Variants in PUM2 observed in about 807,000 individuals in gnomAD.
PUM2 encodes the protein pumilio RNA binding family member 2, also known as pumilio homolog 2.
In PUM2, 57 loss-of-function variants were observed where a neutral mutation model predicts 124.5. The observed-to-expected ratio is 0.46, with a 90% CI of 0.37 to 0.57. The LOEUF (loss-of-function observed/expected upper bound fraction) is 0.57. Ranked by LOEUF, PUM2 falls within the 20% of genes least tolerant of loss-of-function variation. The probability of loss-of-function intolerance (pLI) is 0.00; values close to 1 mark genes in which losing one functional copy is unlikely to be tolerated. For missense variants in PUM2, 1,065 were observed against 1,290.6 expected (o/e 0.83, Z 2.68); for synonymous variants, 460 against 446.1 (o/e 1.03, Z -0.39).
chr2:20,271,665 T>C lies in PUM2; in HGVS notation c.1957+6918A>G, dbSNP rs749148440. The stretch of plus-strand genomic sequence containing the variant: ...ATATTTAAAAGACCCTTAAAGTAAA[T>C]AGCATTTAATTTGGATTAAAGATCA... On this transcript the variant is annotated intron_variant, in intron 13 of 20. Coordinates refer to ENST00000361078, the MANE Select transcript of PUM2 (RefSeq NM_015317.5). 5.9e-5 allele frequency among the ~76,000 whole-genome samples: 9 copies of C among 152,048 alleles called. No individual in the cohort carries two copies. The East Asian group carries it at 7.7e-4, about 13-fold the overall frequency.
At chr2:20,350,892 G>C (rs1365376602), upstream of PUM2, 3 of 632,730 alleles carry the variant, frequency 4.7e-6, no homozygotes, top group South Asian at 7.0e-5. Flanking sequence ...AGAAAGGGGA[G>C]GGGGAGCGCT....
In PUM2 at chr2:20,318,299, C is replaced by T. The variant is rs561797223; in HGVS notation, c.160+238G>A. 1.6e-3 allele frequency among the ~76,000 whole-genome samples: 248 copies of T among 152,226 alleles called. 2 individuals carry two copies. The highest frequency in any genetic ancestry group is 5.8e-3 in the African/African-American group (243 of 41,542). On this transcript the variant is annotated intron_variant, in intron 3 of 20. Transcript: ENST00000361078. ...CTTCTAAAATTACATTTCTTAGCTGCCATTAAGAAAATGTGCATAGGGCTG... is the reference window on the plus strand; with the variant it reads ...CTTCTAAAATTACATTTCTTAGCTGTCATTAAGAAAATGTGCATAGGGCTG...
intron 1 of PUM2, among the ~76,000 whole-genome samples, chr2:20,334,990 G>A (rs563708219): frequency 1.8e-4 from 28 of 152,030 alleles, no homozygotes; most frequent in South Asian, 8.3e-4. Flanking sequence ...CTCTATCACC[G>A]AAGCTAGAGT....
At chr2:20,285,325 A>G (rs1672479280) in intron 10 of PUM2, among the ~76,000 whole-genome samples, 2 of 152,196 alleles carry the variant, frequency 1.3e-5, no homozygotes, top group Admixed American at 6.5e-5. Context: ...CATTCTCCAC[A>G]GAGACTGTGG....
Position 20,253,961 on chromosome 2 carries a change from A to G in PUM2, c.2924T>C (p.Leu975Pro). 6.2e-7 allele frequency: 1 copy of G among 1,614,162 alleles called. No individual in the cohort carries two copies. The highest frequency in any genetic ancestry group is 8.5e-7 in the Non-Finnish European group (1 of 1,180,002). ...ATTCTGGCAGCAAACCTCGTCAATC[A>G]GTAAAGCTCTCTCAGCACGGGAGGC... ...THASRAERAL[L>P]IDEVCCQNDG... The change falls in exon 20 of 21, where the codon CTG becomes CCG. Residue 975 changes from leucine (L) to proline (P), a missense_variant. Leu to Pro is a moderately conservative substitution (Grantham distance 98). Around this residue, in one of 3 missense-constraint regions of PUM2, gnomAD observed 968 missense variants for 1,159.8 expected, o/e 0.83. Coordinates refer to ENST00000361078, the MANE Select transcript of PUM2 (RefSeq NM_015317.5).
intron 10 of PUM2, among the ~76,000 whole-genome samples, chr2:20,290,115 T>C (rs142276800): frequency 1.3e-5 from 2 of 152,304 alleles, no homozygotes; most frequent in African/African-American, 4.8e-5. Flanking sequence ...TAGCAATGGG[T>C]AGAAATTTTA....
In PUM2 at chr2:20,312,304, T is replaced by C. The variant is rs748541026; in HGVS notation, c.280A>G (p.Met94Val). 4.3e-6 allele frequency: 7 copies of C among 1,613,802 alleles called. No homozygotes were observed. Among genetic ancestry groups the C allele is most frequent in the Admixed American group, 3.3e-5 (2 of 60,000 alleles). ...GAAGAACTTAATACATATTCTACCA[T>C]GCTCACACCAAGGCCTCCACTTTCT... ...RSESGGLGVS[M>V]VEYVLSSSPA... The change falls in exon 4 of 21, where the codon ATG becomes GTG. Residue 94 changes from methionine to valine, a missense_variant. Transcript: ENST00000361078.
chr2:20,251,900 G>T (rs1199460518), intron 20 of PUM2, among the ~76,000 whole-genome samples, 184 bp from the exon 21 acceptor site: 1 of 152,100 alleles, frequency 6.6e-6, no homozygotes, highest in South Asian at 2.1e-4. Context: ...ATCTGTTCTC[G>T]AAATTGTTCA....
Position 20,304,450 on chromosome 2 carries a change from A to G in PUM2, c.883+3528T>C, listed in dbSNP as rs181062870. Among the ~76,000 whole-genome samples, 3 of 152,372 alleles carry G rather than the reference A, an allele frequency of 2.0e-5. 1 individual carries two copies. Among genetic ancestry groups the G allele is most frequent in the Admixed American group, 2.0e-4 (3 of 15,306 alleles). ...TTAATATTTTTAAATGGTTCAAAAAAATAAAATTCAAACACATGAAAATTA... is the reference window on the plus strand; with the variant it reads ...TTAATATTTTTAAATGGTTCAAAAAGATAAAATTCAAACACATGAAAATTA... On this transcript the variant is annotated intron_variant, in intron 7 of 20. Coordinates refer to ENST00000361078, the MANE Select transcript of PUM2 (RefSeq NM_015317.5).
chr2:20,274,767 C>T (rs1218286934), intron 13 of PUM2, among the ~76,000 whole-genome samples: 1 of 151,248 alleles, frequency 6.6e-6, no homozygotes, highest in East Asian at 1.9e-4. Flanking sequence ...CTGCTTTATA[C>T]CTAGTAAGTT....
At chr2:20,280,553 A>AT (rs1671273924) in intron 12 of PUM2, among the ~76,000 whole-genome samples, 1 of 152,220 alleles carries the variant, frequency 6.6e-6, no homozygotes, top group African/African-American at 2.4e-5. Flanking sequence ...AGCTCTAATA[A>AT]GAGCAGCATT....
At chr2:20,326,121 T>C in intron 2 of PUM2, 1 of 637,844 alleles carries the variant, frequency 1.6e-6, no homozygotes, top group South Asian at 1.9e-5. Context: ...AACCAGATAT[T>C]GCACTGCAGT....
chr2:20,288,835 C>T (rs985698071), intron 10 of PUM2, among the ~76,000 whole-genome samples: 1 of 152,064 alleles, frequency 6.6e-6, no homozygotes, highest in African/African-American at 2.4e-5. Flanking sequence ...AAGAAGGCAT[C>T]AAAGAAAGTT....
chr2:20,316,913 C>A lies in PUM2; in HGVS notation c.160+1624G>T, dbSNP rs562759342. Among the ~76,000 whole-genome samples the A allele has an allele frequency of 5.3e-5, 8 of 152,104 alleles. No individual in the cohort carries two copies. In the East Asian group the frequency reaches 1.4e-3, roughly 26 times the overall value. On this transcript the variant is annotated intron_variant, in intron 3 of 20. Coordinates refer to ENST00000361078, the MANE Select transcript of PUM2 (RefSeq NM_015317.5). ...GGCTGTGGTAGCGAGCACCTATTAT[C>A]CCAGCTACTCAGGAGGCTGAGGCAG...
intron 9 of PUM2, among the ~76,000 whole-genome samples, chr2:20,293,475 G>A (rs979928833): frequency 4.6e-5 from 7 of 152,192 alleles, no homozygotes; most frequent in African/African-American, 1.4e-4. Flanking sequence ...TTGAAAGGTC[G>A]AGGTGGGTGG....
intron 2 of PUM2, among the ~76,000 whole-genome samples, chr2:20,321,153 C>A (rs928867896): frequency 6.6e-6 from 1 of 152,048 alleles, no homozygotes; most frequent in Admixed American, 6.6e-5. Flanking sequence ...ATGCAAATTG[C>A]AGCACACACC....
At chr2:20,336,751 TG>T in intron 1 of PUM2, among the ~76,000 whole-genome samples, 1 of 4,842 alleles carries the variant, frequency 2.1e-4, no homozygotes, top group South Asian at 5.7e-3. Flanking sequence ...GGCTGATCTG[TG>T]TGTGTGTGTG....
At chr2:20,263,489 T>C (rs374101376) in intron 13 of PUM2, 29 bp from the exon 14 acceptor site, 81 of 1,559,020 alleles carry the variant, frequency 5.2e-5, no homozygotes, top group Non-Finnish European at 6.9e-5. Flanking sequence ...GGTCAGCAAG[T>C]ATTTTTGACA....
At chr2:20,251,996 A>G (rs116680468) in intron 20 of PUM2, among the ~76,000 whole-genome samples, 2,195 of 152,318 alleles carry the variant, frequency 0.014, 67 homozygotes, top group African/African-American at 0.049. Flanking sequence ...GTAATTCCAC[A>G]TCCAGGAATT....
Sources: allele counts gnomAD v4.1 joint callset (sites outside exome capture counted in the v4.1 genomes callset), GRCh38; gene constraint gnomAD v4.1.1; regional missense constraint gnomAD v4.1.1; transcripts MANE v1.5; gene names NCBI Gene and HGNC (gene_info 2026-07-23, HGNC 2026-07-21).